SLC37A1: variants seen among roughly 807,000 people sequenced by gnomAD.
The protein encoded by SLC37A1 is glucose-6-phosphate exchanger SLC37A1.
A neutral mutation model predicts 75.3 loss-of-function variants in SLC37A1; 49 were observed. The ratio of observed to expected loss-of-function variants is 0.65; its 90% confidence interval spans 0.52 to 0.83. The LOEUF is 0.83. SLC37A1 is among the 40% of genes least tolerant of loss of function. The probability of loss-of-function intolerance (pLI) is 0.00; values close to 1 mark genes in which losing one functional copy is unlikely to be tolerated. For missense variants in SLC37A1, 566 were observed against 695.0 expected, an observed-to-expected ratio of 0.81 and a Z score of 2.09; for synonymous variants, 268 against 292.1, an observed-to-expected ratio of 0.92 and a Z score of 0.84.
chr21:42,513,407 T>C (rs1365088429), upstream of SLC37A1, among the ~76,000 whole-genome samples: 1 of 152,214 alleles, frequency 6.6e-6, no homozygotes, highest in Non-Finnish European at 1.5e-5. Flanking sequence ...GTCTTCATGA[T>C]TGTGCCCCTT....
intron 2 of SLC37A1, among the ~76,000 whole-genome samples, chr21:42,503,948 C>G (rs2054362724): frequency 1.3e-5 from 2 of 152,178 alleles, no homozygotes; most frequent in Non-Finnish European, 2.9e-5. Context: ...GCAACCACAT[C>G]CGGGTGGTAC....
intron 1 of SLC37A1, among the ~76,000 whole-genome samples, chr21:42,500,145 G>T (rs1048743585): frequency 6.6e-6 from 1 of 152,088 alleles, no homozygotes; most frequent in African/African-American, 2.4e-5. Context: ...TAAAAAGCAG[G>T]GACTTTCAAC....
intron 10 of SLC37A1, among the ~76,000 whole-genome samples, chr21:42,557,049 C>T (rs57294106): frequency 0.032 from 4,890 of 152,298 alleles, 264 homozygotes; most frequent in African/African-American, 0.11. Flanking sequence ...GGGCCGTGGG[C>T]GGCCTTTGGG....
intron 2 of SLC37A1, chr21:42,502,474 C>A (rs186182010): frequency 2.2e-3 from 334 of 152,246 alleles, no homozygotes; most frequent in African/African-American, 7.7e-3. Flanking sequence ...CTCATAGTGA[C>A]TTTAGTTTGT....
At chr21:42,527,322 C>G (rs2146771317) in intron 3 of SLC37A1, among the ~76,000 whole-genome samples, 2 of 152,132 alleles carry the variant, frequency 1.3e-5, no homozygotes, top group Middle Eastern at 6.8e-3. Context: ...CTATGAGGGC[C>G]CCTGTGAGCC....
At chr21:42,565,372 C>A (rs930233273) in intron 14 of SLC37A1, among the ~76,000 whole-genome samples, 1 of 152,286 alleles carries the variant, frequency 6.6e-6, no homozygotes, top group Non-Finnish European at 1.5e-5. Flanking sequence ...CAGAACAAGG[C>A]CTGGCTTTCA....
intron 18 of SLC37A1, 35 bp from the exon 19 acceptor site, chr21:42,579,701 C>T: frequency 6.2e-7 from 1 of 1,613,410 alleles, no homozygotes; most frequent in African/African-American, 1.3e-5. Context: ...GTGCCTGCTC[C>T]AGTAACAGGT....
chr21:42,510,725 G>A (rs2146683501), upstream of SLC37A1, among the ~76,000 whole-genome samples: 1 of 152,232 alleles, frequency 6.6e-6, no homozygotes, highest in South Asian at 2.1e-4. Flanking sequence ...ACTTATATCA[G>A]ACAAAACAGA....
intron 11 of SLC37A1, among the ~76,000 whole-genome samples, chr21:42,559,374 A>G (rs565657654): frequency 5.6e-4 from 86 of 152,362 alleles, no homozygotes; most frequent in South Asian, 1.4e-3. Context: ...TTCACTGGAA[A>G]AACGGAAAGC....
At chr21:42,549,811 A>G (rs1350600716) in intron 9 of SLC37A1, among the ~76,000 whole-genome samples, 1 of 152,230 alleles carries the variant, frequency 6.6e-6, no homozygotes, top group Non-Finnish European at 1.5e-5. Flanking sequence ...TCCCATGTGG[A>G]AGTGTTATTT....
chr21:42,555,194 G>A (rs1014102148), intron 10 of SLC37A1, among the ~76,000 whole-genome samples: 11 of 151,850 alleles, frequency 7.2e-5, no homozygotes, highest in African/African-American at 2.7e-4. Flanking sequence ...CACCATGTTG[G>A]CCAGGCTAGT....
intron 3 of SLC37A1, among the ~76,000 whole-genome samples, chr21:42,529,605 A>G (rs10887974): frequency 0.32 from 48,567 of 152,184 alleles, 9,282 homozygotes; most frequent in Admixed American, 0.54. Flanking sequence ...TAAAATACAA[A>G]AAGTACAAAT....
rs1000673969 is a variant in SLC37A1, at chr21:42,545,355, C to G, written c.731-1748C>G. The stretch of plus-strand genomic sequence containing the variant: ...AGTGGCTGGATGCTGAGTCTGAGAA[C>G]AGGAGCTCTTTGCAGATAGGGAGGA... On this transcript the variant is annotated intron_variant, in intron 8 of 19. Coordinates refer to ENST00000352133, the MANE Select transcript of SLC37A1 (RefSeq NM_001320537.2). The surrounding 1 kb of genome is among the most constrained non-coding windows in gnomAD (Gnocchi z 4.0). Among the ~76,000 whole-genome samples, 2 of 152,198 alleles carry G rather than the reference C, an allele frequency of 1.3e-5. No individual in the cohort carries two copies. Among genetic ancestry groups the G allele is most frequent in the Admixed American group, 1.3e-4 (2 of 15,278 alleles).
At chr21:42,518,572 G>A in intron 2 of SLC37A1, 62 bp downstream of exon 2, 1 of 1,570,060 alleles carries the variant, frequency 6.4e-7, no homozygotes, top group Non-Finnish European at 8.8e-7. Context: ...CTACTGTGCA[G>A]GTAGTTGTGT....
rs7275184 is a variant in SLC37A1 at position 42,519,937 on chromosome 21, T to A, written c.56+1427T>A. On this transcript the variant is annotated intron_variant, in intron 2 of 19. Transcript: ENST00000352133. ...AAGATTAACATTTAGCCTCATCTGC[T>A]TCTCTCCCTGCCCCTCCACAGTGTG... Among the ~76,000 whole-genome samples the A allele has an allele frequency of 2.0e-5, 3 of 152,100 alleles. No homozygotes were observed. In the South Asian group the frequency reaches 6.2e-4, roughly 32 times the overall value.
Position 42,507,392 on chromosome 21 carries a change from T to A in SLC37A1, c.-179+4975T>A, listed in dbSNP as rs528871284. Among the ~76,000 whole-genome samples, 6 of 152,288 alleles carry A rather than the reference T, an allele frequency of 3.9e-5. No individual in the cohort carries two copies. In the East Asian group the frequency reaches 1.2e-3, roughly 29 times the overall value. On this transcript the variant is annotated intron_variant, in intron 2 of 20. Transcript: ENST00000398341. ...AGTGTAGGCTGTGAGGGGGACTGGC[T>A]GCCTAAACTGTCAGCCTGTGGTAAG...
Position 42,547,379 on chromosome 21 carries a change from T to C in SLC37A1, c.768+239T>C, listed in dbSNP as rs2055436609. On this transcript the variant is annotated intron_variant, in intron 9 of 19. Coordinates refer to ENST00000352133, the MANE Select transcript of SLC37A1 (RefSeq NM_001320537.2). This position sits in a 1 kb window ranked among gnomAD's most constrained non-coding sequence, Gnocchi z 6.1. ...GCTGTCCAGATGAAGGACTTCATGC[T>C]AAGGGGAACCAAAGGCTGGGCCCTG... 2.1e-6 allele frequency: 1 copy of C among 468,452 alleles called. No homozygotes were observed. Among genetic ancestry groups the C allele is most frequent in the Admixed American group, 3.7e-5 (1 of 27,240 alleles). 29.0% of individuals were successfully genotyped at this position (468,452 alleles called of 1,614,324 possible).
Position 42,580,624 on chromosome 21 carries a change from C to T in SLC37A1, c.*264C>T, listed in dbSNP as rs182914796. On this transcript the variant is annotated 3_prime_UTR_variant, in exon 20 of 20. Transcript: ENST00000352133. ...CCGAAGACCCGGCCGGCCCTGGCCT[C>T]ACAGGCGTGTGCCCATGCAGCCACC... 1.8e-4 allele frequency: 85 copies of T among 465,522 alleles called. No homozygotes were observed. The highest frequency in any genetic ancestry group is 1.7e-3 in the African/African-American group (80 of 48,346). The allele number at this position is 465,522 out of a possible 1,614,324, so 28.8% of individuals were successfully genotyped here. A position where few individuals can be genotyped will look rare whatever the true frequency, so the allele number is the denominator to read the frequency against.
At chr21:42,570,493 G>A (rs2056130269) in intron 17 of SLC37A1, among the ~76,000 whole-genome samples, 1 of 152,158 alleles carries the variant, frequency 6.6e-6, no homozygotes, top group Non-Finnish European at 1.5e-5. Context: ...TTCTGTCTTG[G>A]GCATCTCAGT....
Sources: gnomAD v4.1 joint callset for allele counts (sites outside exome capture counted in the v4.1 genomes callset) on GRCh38, gnomAD v4.1.1 for gene constraint, Gnocchi (gnomAD v3.1) non-coding constraint, MANE v1.5 for transcripts, NCBI Gene and HGNC (gene_info 2026-07-23, HGNC 2026-07-21) for gene names.